SYNPR: variants seen among roughly 807,000 people sequenced by gnomAD.
The protein encoded by SYNPR is synaptoporin.
In SYNPR, 23 loss-of-function variants were observed where a neutral mutation model predicts 32.9. The observed-to-expected ratio is 0.70, with a 90% CI of 0.50 to 0.99. The LOEUF (loss-of-function observed/expected upper bound fraction) is 0.99. SYNPR is among the 50% of genes least tolerant of loss of function. The pLI is 0.00. For synonymous variants in SYNPR, 146 were observed against 135.9 expected (o/e 1.07, Z -0.52); for missense variants, 318 against 349.3 (o/e 0.91, Z 0.71).
intron 2 of SYNPR, among the ~76,000 whole-genome samples, chr3:63,405,392 G>T (rs1215180294): frequency 1.3e-5 from 2 of 152,124 alleles, no homozygotes; most frequent in Non-Finnish European, 2.9e-5. Flanking sequence ...AAATGCTGAG[G>T]TAAGGCAAGA....
At position 63,466,615 on chromosome 3, in the gene SYNPR, T is replaced by C. The variant is rs533593413; in HGVS notation, c.85-14217T>C. Among the ~76,000 whole-genome samples, 24 of 152,246 alleles carry C rather than the reference T, an allele frequency of 1.6e-4. No individual in the cohort carries two copies. The South Asian group carries it at 4.8e-3, about 30-fold the overall frequency. Reference sequence around the variant, plus strand: ...GTGTGTTAGCCAGCTCAGGCTGCTATAACAAAATACTAGACTGGGTGGTTT... The same window carrying C: ...GTGTGTTAGCCAGCTCAGGCTGCTACAACAAAATACTAGACTGGGTGGTTT... On this transcript the variant is annotated intron_variant, in intron 2 of 5. Coordinates refer to ENST00000478300, the MANE Select transcript of SYNPR (RefSeq NM_001130003.2).
chr3:63,576,236 G>A (rs1290419842), intron 4 of SYNPR, among the ~76,000 whole-genome samples: 1 of 152,118 alleles, frequency 6.6e-6, no homozygotes, highest in East Asian at 1.9e-4. Flanking sequence ...AAGTTAACCT[G>A]TCAGAATAAA....
At chr3:63,451,455 T>C (rs556088029) in intron 2 of SYNPR, among the ~76,000 whole-genome samples, 8 of 152,310 alleles carry the variant, frequency 5.3e-5, no homozygotes, top group Admixed American at 6.5e-5. Flanking sequence ...ATAACTATAA[T>C]AAAACCAAAT....
intron 4 of SYNPR, among the ~76,000 whole-genome samples, chr3:63,586,288 G>C (rs1410100034): frequency 6.6e-6 from 1 of 150,446 alleles, no homozygotes; most frequent in African/African-American, 2.5e-5. Context: ...AAAAAAAAAA[G>C]AAAAATTGGT....
intron 3 of SYNPR, among the ~76,000 whole-genome samples, chr3:63,269,581 C>T (rs1191547517): frequency 6.6e-6 from 1 of 152,038 alleles, no homozygotes; most frequent in African/African-American, 2.4e-5. Context: ...GTTATTAGCA[C>T]CAATTGTGTC....
intron 3 of SYNPR, among the ~76,000 whole-genome samples, chr3:63,493,815 CAAAAAAA>C (rs3083190): frequency 4.0e-5 from 3 of 75,094 alleles, no homozygotes; most frequent in Admixed American, 3.4e-4. Context: ...GACTCTGTCT[CAAAAAAA>C]AAAAAAAAAA....
At chr3:63,371,601 C>T (rs2087812950) in intron 2 of SYNPR, among the ~76,000 whole-genome samples, 1 of 152,222 alleles carries the variant, frequency 6.6e-6, no homozygotes, top group Non-Finnish European at 1.5e-5. Flanking sequence ...ATTGCTGCTG[C>T]CCTCAGGTTC....
At chr3:63,601,489 C>G (rs1324192776) in intron 4 of SYNPR, among the ~76,000 whole-genome samples, 1 of 152,080 alleles carries the variant, frequency 6.6e-6, no homozygotes, top group East Asian at 1.9e-4. Flanking sequence ...TGATCCTCAC[C>G]TTCCTCCCAC....
At chr3:63,477,788 T>G (rs989800959) in intron 2 of SYNPR, among the ~76,000 whole-genome samples, 8 of 152,224 alleles carry the variant, frequency 5.3e-5, no homozygotes, top group African/African-American at 1.9e-4. Flanking sequence ...TCACTTTTTC[T>G]CTGGGTGCCT....
chr3:63,373,656 T>A (rs1390818085), intron 2 of SYNPR, among the ~76,000 whole-genome samples: 2 of 152,192 alleles, frequency 1.3e-5, no homozygotes, highest in Non-Finnish European at 2.9e-5. Context: ...GGAAAACATG[T>A]ATCAGGATAT....
chr3:63,384,535 C>T (rs531527050), intron 2 of SYNPR, among the ~76,000 whole-genome samples: 15 of 152,206 alleles, frequency 9.9e-5, no homozygotes, highest in Admixed American at 2.0e-4. Context: ...ATTCCCTAAC[C>T]ATGGTTAGGT....
intron 2 of SYNPR, among the ~76,000 whole-genome samples, chr3:63,429,542 T>C (rs2107143201): frequency 6.6e-6 from 1 of 152,344 alleles, no homozygotes; most frequent in African/African-American, 2.4e-5. Context: ...GTCAAAGTTT[T>C]GTCATTTAAG....
In SYNPR at chr3:63,438,996, C is replaced by G. The variant is rs182492776; in HGVS notation, c.85-41836C>G. 1.0e-3 allele frequency among the ~76,000 whole-genome samples: 157 copies of G among 152,144 alleles called. 1 individual carries two copies. The highest frequency in any genetic ancestry group is 3.5e-3 in the African/African-American group (144 of 41,436). ...CTAAATGCTTAGAAAGCTAGGCCTC[C>G]CACTGGCCAGCAGACAGGCCTGAAA... On this transcript the variant is annotated intron_variant, in intron 2 of 5. Coordinates refer to ENST00000478300, the MANE Select transcript of SYNPR (RefSeq NM_001130003.2).
chr3:63,243,963 A>G (rs114106829), intron 1 of SYNPR, among the ~76,000 whole-genome samples: 1 of 152,138 alleles, frequency 6.6e-6, no homozygotes, highest in Non-Finnish European at 1.5e-5. Context: ...ATAGATTCTT[A>G]TATCAGGGAA....
At position 63,232,290 on chromosome 3, in the gene SYNPR, G is replaced by A. The variant is rs74869147; in HGVS notation, n.66+3910G>A. 9.8e-3 allele frequency among the ~76,000 whole-genome samples: 1,295 copies of A among 132,496 alleles called. 13 individuals are homozygous for A. Among genetic ancestry groups the A allele is most frequent in the East Asian group, 0.065 (270 of 4,156 alleles). The allele number at this position is 132,496 out of a possible 152,430, so 86.9% of individuals were successfully genotyped here. ...GATCTTGGCTCACTGCAACCTCCCC[G>A]TCCCAGGTTCAAATGATTCTCGTGC... On this transcript the variant is annotated intron_variant and non_coding_transcript_variant, in intron 1 of 4. Transcript: ENST00000478456.
upstream of SYNPR, among the ~76,000 whole-genome samples, chr3:63,277,818 C>T (rs1292938569): frequency 6.6e-6 from 1 of 152,090 alleles, no homozygotes; most frequent in African/African-American, 2.4e-5. Context: ...CTTTTGCTTC[C>T]CCTGGGGGAA....
At chr3:63,201,874 A>G in the SYNPR span, among the ~76,000 whole-genome samples, 1 of 152,046 alleles carries the variant, frequency 6.6e-6, no homozygotes, top group Non-Finnish European at 1.5e-5. Context: ...TATTTTTACT[A>G]TTTACAAATT....
intron 2 of SYNPR, among the ~76,000 whole-genome samples, chr3:63,419,471 A>G (rs1190996870): frequency 1.3e-5 from 2 of 152,196 alleles, no homozygotes; most frequent in African/African-American, 4.8e-5. Flanking sequence ...CCAAAGATTG[A>G]ACTCAGACAG....
At chr3:63,222,037 G>C in the SYNPR span, among the ~76,000 whole-genome samples, 2 of 17,490 alleles carry the variant, frequency 1.1e-4, no homozygotes, top group East Asian at 1.1e-3. Flanking sequence ...TTTTTTTTTT[G>C]TGAAATGCTG....
Sources: allele counts gnomAD v4.1 joint callset (sites outside exome capture counted in the v4.1 genomes callset), GRCh38; gene constraint gnomAD v4.1.1; transcripts MANE v1.5; gene names NCBI Gene and HGNC (gene_info 2026-07-23, HGNC 2026-07-21).